Variants in INSYN2B observed in about 807,000 individuals in gnomAD.
INSYN2B encodes the protein protein INSYN2B.
A neutral mutation model predicts 41.2 loss-of-function variants in INSYN2B; 16 were observed. That is an observed-to-expected ratio of 0.39 (90% CI 0.26 to 0.59). INSYN2B has a LOEUF of 0.59. INSYN2B is among the 20% of genes least tolerant of loss of function. INSYN2B has a pLI of 0.57. For missense variants in INSYN2B, 608 were observed against 646.4 expected, an observed-to-expected ratio of 0.94 and a Z score of 0.64; for synonymous variants, 245 against 244.4, an observed-to-expected ratio of 1.00 and a Z score of -0.02.
At chr5:169,867,407 CTCTG>C (rs56110833) in intron 3 of INSYN2B, among the ~76,000 whole-genome samples, 82,029 of 148,830 alleles carry the variant, frequency 0.55, 22,544 homozygotes, top group Admixed American at 0.57. Flanking sequence ...GTGAAAACCT[CTCTG>C]TCTGTCTGTC....
Position 169,962,428 on chromosome 5 carries a change from C to T in INSYN2B, c.-919+17849G>A, listed in dbSNP as rs140281100. 2.0e-4 allele frequency among the ~76,000 whole-genome samples: 31 copies of T among 152,090 alleles called. No individual in the cohort carries two copies. The East Asian group carries it at 5.4e-3, about 27-fold the overall frequency. ...GGGGGAGGATGGAGGTTCCATTTCCCAAGAGAAAGAAGAGAACCAGATTTG... is the reference window on the plus strand; with the variant it reads ...GGGGGAGGATGGAGGTTCCATTTCCTAAGAGAAAGAAGAGAACCAGATTTG... On this transcript the variant is annotated intron_variant, in intron 1 of 3. Transcript: ENST00000377365.
intron 1 of INSYN2B, among the ~76,000 whole-genome samples, chr5:169,938,972 C>T (rs1483539757): frequency 2.0e-5 from 3 of 149,910 alleles, no homozygotes; most frequent in Admixed American, 6.7e-5. Flanking sequence ...GGCGTGATCT[C>T]GGCTCACTGC....
rs1561828965 is a variant in INSYN2B at position 169,925,578 on chromosome 5, T to TAAAAAAAAAAAAAA, written c.-918-40763_-918-40762insTTTTTTTTTTTTTT. The stretch of plus-strand genomic sequence containing the variant: ...CTGGGCGACAGAGCAAGACTCTGTC[T>TAAAAAAAAAAAAAA]TAAAAAAAAAAAAAAAAAAAAAAAA... On this transcript the variant is annotated intron_variant, in intron 1 of 3. Transcript: ENST00000377365. Among the ~76,000 whole-genome samples, 3 of 32,324 alleles carry TAAAAAAAAAAAAAA rather than the reference T, an allele frequency of 9.3e-5. 1 individual carries two copies. Among genetic ancestry groups the TAAAAAAAAAAAAAA allele is most frequent in the African/African-American group, 3.8e-4 (3 of 7,838 alleles). The allele number at this position is 32,324 out of a possible 152,430, so 21.2% of individuals were successfully genotyped here.
At chr5:169,871,941 C>T (rs558678510) in intron 3 of INSYN2B, among the ~76,000 whole-genome samples, 131 of 152,328 alleles carry the variant, frequency 8.6e-4, no homozygotes, top group African/African-American at 3.1e-3. Context: ...CTGGGGTCAG[C>T]AATCTTGGGT....
chr5:169,925,432 T>A (rs1775387418), intron 1 of INSYN2B, among the ~76,000 whole-genome samples: 1 of 151,958 alleles, frequency 6.6e-6, no homozygotes, highest in Non-Finnish European at 1.5e-5. Context: ...TTACAAAAAT[T>A]AACTGAGCGT....
chr5:169,944,990 A>G (rs1037395592), intron 1 of INSYN2B, among the ~76,000 whole-genome samples: 13 of 152,166 alleles, frequency 8.5e-5, no homozygotes, highest in Non-Finnish European at 1.5e-4. Flanking sequence ...AATGGCTGGC[A>G]AATACCTCTA....
chr5:169,968,461 A>G (rs190981648), intron 1 of INSYN2B, among the ~76,000 whole-genome samples: 1 of 152,326 alleles, frequency 6.6e-6, no homozygotes, highest in Admixed American at 6.5e-5. Context: ...GGGGACAGAC[A>G]CATGAGCATA....
intron 3 of INSYN2B, among the ~76,000 whole-genome samples, chr5:169,865,331 G>A (rs115580745): frequency 2.1e-3 from 317 of 152,300 alleles, no homozygotes; most frequent in South Asian, 3.3e-3. Flanking sequence ...GGAGGTGGGC[G>A]TTGAACAGAA....
In INSYN2B at chr5:169,940,015, C is replaced by A. The variant is rs566959386; in HGVS notation, c.-919+40262G>T. ...ATCTTTCAGATCTTACCTCCAAACCCCAACACCTCCCATTCCCCAGGGAGT... is the reference window on the plus strand; with the variant it reads ...ATCTTTCAGATCTTACCTCCAAACCACAACACCTCCCATTCCCCAGGGAGT... On this transcript the variant is annotated intron_variant, in intron 1 of 3. Coordinates refer to ENST00000377365, the MANE Select transcript of INSYN2B (RefSeq NM_001129891.3). Among the ~76,000 whole-genome samples the A allele has an allele frequency of 4.3e-4, 65 of 152,302 alleles. 2 individuals carry two copies. The highest frequency in any genetic ancestry group is 1.0e-4 in the Non-Finnish European group (7 of 68,026).
chr5:169,879,790 G>A (rs79303233), intron 3 of INSYN2B, among the ~76,000 whole-genome samples: 2 of 152,244 alleles, frequency 1.3e-5, no homozygotes, highest in African/African-American at 4.8e-5. Context: ...TTTCAGATGG[G>A]GAAAATGATT....
intron 1 of INSYN2B, among the ~76,000 whole-genome samples, chr5:169,905,137 G>A (rs765389664): frequency 1.3e-5 from 2 of 152,210 alleles, no homozygotes; most frequent in East Asian, 1.9e-4. Flanking sequence ...GGTTTAGGAA[G>A]GGTTGCAAAC....
rs184946956 is a variant in INSYN2B at position 169,965,584 on chromosome 5, C to T, written c.-919+14693G>A. ...CCACATATTAAGATCACCCAGGGAG[C>T]GTTAAACATCCCAATGTCGGGAGAG... On this transcript the variant is annotated intron_variant, in intron 1 of 3. Transcript: ENST00000377365. Among the ~76,000 whole-genome samples, 49 of 152,274 alleles carry T rather than the reference C, an allele frequency of 3.2e-4. No individual in the cohort carries two copies. In the East Asian group the frequency reaches 8.9e-3, roughly 28 times the overall value.
intron 1 of INSYN2B, among the ~76,000 whole-genome samples, chr5:169,904,932 C>A (rs928937555): frequency 2.6e-5 from 4 of 152,092 alleles, no homozygotes; most frequent in Non-Finnish European, 4.4e-5. Context: ...CCGAGAGACC[C>A]GGGTTTGAAT....
At chr5:169,879,337 A>T (rs569967391) in intron 3 of INSYN2B, among the ~76,000 whole-genome samples, 2 of 152,292 alleles carry the variant, frequency 1.3e-5, no homozygotes, top group East Asian at 3.9e-4. Flanking sequence ...CCAGAACACA[A>T]CGCAAGTTTG....
At chr5:169,943,530 C>T (rs1017184653) in intron 1 of INSYN2B, among the ~76,000 whole-genome samples, 3 of 152,200 alleles carry the variant, frequency 2.0e-5, no homozygotes, top group Admixed American at 6.5e-5. Flanking sequence ...CATACAAGTC[C>T]ATCCCACGTT....
chr5:169,866,041 G>A (rs913023322), intron 3 of INSYN2B, among the ~76,000 whole-genome samples: 1 of 148,520 alleles, frequency 6.7e-6, no homozygotes. Context: ...GGGGCGAGGG[G>A]GCCTGTTTTA....
In INSYN2B at chr5:169,884,078, G is replaced by A. The variant is rs774548953; in HGVS notation, c.-180C>T. On this transcript the variant is annotated 5_prime_UTR_variant, in exon 2 of 4. It adds an upstream start codon to the 5' untranslated region. Coordinates refer to ENST00000377365, the MANE Select transcript of INSYN2B (RefSeq NM_001129891.3). ...GCCATTCCCAGCCTCTAGAGTCTAC[G>A]TAGGAACTATCTGTAATGCTTTCCC... The A allele has an allele frequency of 1.4e-4, 65 of 468,430 alleles. No individual in the cohort carries two copies. Among genetic ancestry groups the A allele is most frequent in the Non-Finnish European group, 2.0e-4 (55 of 271,792 alleles). The allele number at this position is 468,430 out of a possible 1,614,324, so 29.0% of individuals were successfully genotyped here.
intron 1 of INSYN2B, among the ~76,000 whole-genome samples, chr5:169,953,148 C>T (rs1011990526): frequency 6.6e-6 from 1 of 152,016 alleles, no homozygotes; most frequent in African/African-American, 2.4e-5. Context: ...ATGGCGAAAC[C>T]CTGTCTCTAC....
At chr5:169,895,988 A>T (rs1415101015) in intron 1 of INSYN2B, among the ~76,000 whole-genome samples, 1 of 152,164 alleles carries the variant, frequency 6.6e-6, no homozygotes, top group Non-Finnish European at 1.5e-5. Flanking sequence ...CCTTTATGTG[A>T]ATGCTATGAT....
Sources: allele counts gnomAD v4.1 joint callset (sites outside exome capture counted in the v4.1 genomes callset), GRCh38; gene constraint gnomAD v4.1.1; transcripts MANE v1.5; gene names NCBI Gene and HGNC (gene_info 2026-07-23, HGNC 2026-07-21).